Variants in RABGAP1 observed in about 807,000 individuals in gnomAD.
The protein encoded by RABGAP1 is rab GTPase-activating protein 1.
RABGAP1 carries 23 observed loss-of-function variants against 137.6 expected under a neutral mutation model. That is an observed-to-expected ratio of 0.17 (90% CI 0.12 to 0.24). The LOEUF is 0.24. Ranked by LOEUF, RABGAP1 falls within the 10% of genes least tolerant of loss-of-function variation. The pLI is 1.00. For missense variants in RABGAP1, 906 were observed against 1,275.8 expected, an observed-to-expected ratio of 0.71 and a Z score of 4.42; for synonymous variants, 451 against 450.7, an observed-to-expected ratio of 1.00 and a Z score of -0.01.
chr9:122,948,850 A>G (rs566270935), intron 1 of RABGAP1, among the ~76,000 whole-genome samples: 1 of 152,108 alleles, frequency 6.6e-6, no homozygotes, highest in East Asian at 1.9e-4. Flanking sequence ...TTTTCCTCAT[A>G]TTACTTAGAC....
intron 8 of RABGAP1, among the ~76,000 whole-genome samples, 197 bp downstream of exon 8, chr9:122,996,802 C>T (rs993867641): frequency 1.3e-5 from 2 of 152,192 alleles, no homozygotes; most frequent in Admixed American, 1.3e-4. Flanking sequence ...AAGCCTTGGT[C>T]TGTTAACTGT....
At chr9:123,080,325 A>T (rs1276119006) in intron 19 of RABGAP1, among the ~76,000 whole-genome samples, 1 of 152,082 alleles carries the variant, frequency 6.6e-6, no homozygotes, top group Non-Finnish European at 1.5e-5. Context: ...TACACTTTGG[A>T]TGTTTCCCCC....
At chr9:123,019,755 A>G (rs901023844) in intron 12 of RABGAP1, among the ~76,000 whole-genome samples, 1 of 152,032 alleles carries the variant, frequency 6.6e-6, no homozygotes, top group Non-Finnish European at 1.5e-5. Context: ...CGGTGGTGCA[A>G]TCTTGGCTTA....
intron 22 of RABGAP1, among the ~76,000 whole-genome samples, chr9:123,098,138 A>G (rs1337806457): frequency 1.3e-5 from 2 of 152,216 alleles, no homozygotes; most frequent in African/African-American, 4.8e-5. Flanking sequence ...CACACATCAT[A>G]TAATGCCTGG....
At chr9:123,058,633 C>T (rs2033843744) in intron 13 of RABGAP1, among the ~76,000 whole-genome samples, 2 of 151,876 alleles carry the variant, frequency 1.3e-5, no homozygotes, top group African/African-American at 2.4e-5. Context: ...TAGCATGAGG[C>T]GTTAATTCTC....
intron 13 of RABGAP1, among the ~76,000 whole-genome samples, chr9:123,027,913 C>A (rs886912944): frequency 1.3e-5 from 2 of 152,212 alleles, no homozygotes; most frequent in Non-Finnish European, 2.9e-5. Flanking sequence ...ACAGCAATTG[C>A]TACAGTAGGT....
At chr9:122,942,151 G>T (rs1833611626) in intron 1 of RABGAP1, among the ~76,000 whole-genome samples, 1 of 151,994 alleles carries the variant, frequency 6.6e-6, no homozygotes, top group Non-Finnish European at 1.5e-5. Flanking sequence ...AGCTGTTTTT[G>T]TTTCGGAAAC....
chr9:122,946,735 T>TA, intron 1 of RABGAP1, among the ~76,000 whole-genome samples: 1 of 152,168 alleles, frequency 6.6e-6, no homozygotes, highest in East Asian at 1.9e-4. Context: ...TGGAAAAAAT[T>TA]AAAGTGTGTT....
rs752676096 is a variant in RABGAP1, at chr9:123,015,517, G to A, written c.1550-26G>A. The A allele has an allele frequency of 8.1e-6, 12 of 1,483,784 alleles. No homozygotes were observed. The South Asian group carries it at 8.3e-5, about 10-fold the overall frequency. 91.9% of individuals were successfully genotyped at this position (1,483,784 alleles called of 1,614,324 possible). ...GGCTAGCATAGCCATCTCTGTTACCGTTTTTGTGTGTTTTGTTTATTATAG... is the reference window on the plus strand; with the variant it reads ...GGCTAGCATAGCCATCTCTGTTACCATTTTTGTGTGTTTTGTTTATTATAG... On this transcript the variant is annotated intron_variant, in intron 11 of 25. Transcript: ENST00000373647.
At chr9:123,090,183 A>T in intron 20 of RABGAP1, 92 bp from the exon 21 acceptor site, 1 of 928,266 alleles carries the variant, frequency 1.1e-6, no homozygotes, top group Non-Finnish European at 1.6e-6. Flanking sequence ...TTTCCATAGG[A>T]CTTAGAAATT....
At chr9:123,004,576 C>T (rs2030043296) in intron 10 of RABGAP1, among the ~76,000 whole-genome samples, 1 of 152,142 alleles carries the variant, frequency 6.6e-6, no homozygotes, top group Non-Finnish European at 1.5e-5. Flanking sequence ...AGCCACTATG[C>T]CCAGCCAATA....
intron 2 of RABGAP1, among the ~76,000 whole-genome samples, chr9:122,963,652 C>T (rs568748957): frequency 3.9e-5 from 6 of 152,262 alleles, no homozygotes; most frequent in South Asian, 4.1e-4. Context: ...TGTTAAGTGC[C>T]TATATTAAGA....
chr9:123,032,848 G>A (rs191241342), intron 13 of RABGAP1, among the ~76,000 whole-genome samples: 1 of 152,150 alleles, frequency 6.6e-6, no homozygotes, highest in South Asian at 2.1e-4. Context: ...AAGCAAGATT[G>A]TATATTCTAA....
chr9:122,943,361 G>A (rs553143371), intron 1 of RABGAP1, among the ~76,000 whole-genome samples: 4 of 152,170 alleles, frequency 2.6e-5, no homozygotes, highest in South Asian at 2.1e-4. Flanking sequence ...GAGCCACTGC[G>A]CCCGGCCACA....
At chr9:123,057,177 A>T (rs1252719189) in intron 13 of RABGAP1, among the ~76,000 whole-genome samples, 1 of 136,286 alleles carries the variant, frequency 7.3e-6, no homozygotes, top group African/African-American at 2.7e-5. Context: ...CCTCCCGGAC[A>T]GGGTGGCTGC....
chr9:122,946,804 G>A (rs1588150266), intron 1 of RABGAP1, among the ~76,000 whole-genome samples: 1 of 152,154 alleles, frequency 6.6e-6, no homozygotes, highest in Admixed American at 6.5e-5. Flanking sequence ...TCAGGTGTCA[G>A]CATTATCACA....
chr9:123,087,563 A>G (rs145159587), intron 19 of RABGAP1, among the ~76,000 whole-genome samples: 3 of 152,316 alleles, frequency 2.0e-5, no homozygotes, highest in African/African-American at 7.2e-5. Flanking sequence ...TACACAATAA[A>G]AGTTTACCCT....
intron 10 of RABGAP1, among the ~76,000 whole-genome samples, chr9:123,003,295 A>G (rs1251365801): frequency 6.6e-6 from 1 of 152,222 alleles, no homozygotes; most frequent in Non-Finnish European, 1.5e-5. Flanking sequence ...ACTGAGATCC[A>G]AAGATATTTA....
intron 22 of RABGAP1, among the ~76,000 whole-genome samples, chr9:123,098,056 G>T (rs2035235682): frequency 6.6e-6 from 1 of 152,222 alleles, no homozygotes; most frequent in Non-Finnish European, 1.5e-5. Context: ...CTTTGTTGGG[G>T]CAGGAGAATT....
Sources: allele counts gnomAD v4.1 joint callset (sites outside exome capture counted in the v4.1 genomes callset), GRCh38; gene constraint gnomAD v4.1.1; transcripts MANE v1.5; gene names NCBI Gene and HGNC (gene_info 2026-07-23, HGNC 2026-07-21).